Variants in COQ2 observed in about 807,000 individuals in gnomAD.
The protein encoded by COQ2 is 4-hydroxybenzoate polyprenyltransferase, mitochondrial.
COQ2 carries 25 observed loss-of-function variants against 35.7 expected under a neutral mutation model. The ratio of observed to expected loss-of-function variants is 0.70; its 90% CI spans 0.51 to 0.98. The LOEUF (loss-of-function observed/expected upper bound fraction) is 0.98, where lower values mean the gene tolerates loss of function less well. Ranked by LOEUF, COQ2 falls within the 50% of genes least tolerant of loss-of-function variation. COQ2 has a pLI of 0.00. For missense variants in COQ2, 488 were observed against 473.5 expected, an observed-to-expected ratio of 1.03 and a Z score of -0.28; for synonymous variants, 206 against 186.2, an observed-to-expected ratio of 1.11 and a Z score of -0.86.
chr4:83,272,228 G>GA, intron 3 of COQ2, 56 bp from the exon 4 acceptor site: 1 of 1,014,644 alleles, frequency 9.9e-7, no homozygotes, highest in South Asian at 1.6e-5. Flanking sequence ...TAGAAACCAC[G>GA]AAATACTTTA....
At chr4:83,267,332 G>A (rs1734942479) in intron 6 of COQ2, 5 of 418,960 alleles carry the variant, frequency 1.2e-5, no homozygotes, top group East Asian at 5.3e-5. Context: ...AGCTGTGATT[G>A]CACCACTGCA....
chr4:83,279,653 G>T (rs115243325), intron 1 of COQ2, among the ~76,000 whole-genome samples: 2,697 of 152,092 alleles, frequency 0.018, 92 homozygotes, highest in African/African-American at 0.062. Context: ...CTCAAAGACT[G>T]TCAGGAAGAA....
At chr4:83,281,603 G>A (rs1157147380) in intron 1 of COQ2, 2 of 152,198 alleles carry the variant, frequency 1.3e-5, no homozygotes, top group Admixed American at 6.5e-5. Flanking sequence ...GAAGAGAACA[G>A]CTACCTCACA....
chr4:83,265,454 C>T (rs1734895120), intron 6 of COQ2, among the ~76,000 whole-genome samples: 1 of 152,012 alleles, frequency 6.6e-6, no homozygotes, highest in African/African-American at 2.4e-5. Flanking sequence ...TGCCTGTGAT[C>T]CCAGCTACTA....
At chr4:83,283,177 G>T in intron 1 of COQ2, 1 of 614,414 alleles carries the variant, frequency 1.6e-6, no homozygotes, top group Non-Finnish European at 2.0e-6. Flanking sequence ...ATCCCAAATA[G>T]GTCGTGCATA....
chr4:83,279,351 T>A (rs1735259028), intron 1 of COQ2, among the ~76,000 whole-genome samples: 2 of 151,974 alleles, frequency 1.3e-5, no homozygotes, highest in African/African-American at 2.4e-5. Context: ...AAAATTCACA[T>A]AAAAAGAAAT....
chr4:83,271,465 G>C (rs1026267021), intron 4 of COQ2, among the ~76,000 whole-genome samples: 2 of 151,868 alleles, frequency 1.3e-5, no homozygotes, highest in African/African-American at 4.8e-5. Context: ...AATTCTTCAG[G>C]GCATCTAGAT....
At chr4:83,270,096 ACT>A (rs1194489112) in intron 4 of COQ2, 103 bp from the exon 5 acceptor site, 1 of 1,238,716 alleles carries the variant, frequency 8.1e-7, no homozygotes, top group East Asian at 2.6e-5. Flanking sequence ...TGGGTATCAG[ACT>A]CTGTGTGTGC....
At chr4:83,278,610 G>A (rs893914087) in intron 2 of COQ2, among the ~76,000 whole-genome samples, 4 of 152,244 alleles carry the variant, frequency 2.6e-5, no homozygotes. Flanking sequence ...CTTAAAGGAA[G>A]GGATGACAGA....
intron 3 of COQ2, 57 bp from the exon 4 acceptor site, chr4:83,272,229 A>G: frequency 4.0e-6 from 4 of 999,008 alleles, no homozygotes; most frequent in Non-Finnish European, 6.0e-6. Flanking sequence ...AGAAACCACG[A>G]AATACTTTAA....
At chr4:83,280,166 T>C (rs1289827214) in intron 1 of COQ2, among the ~76,000 whole-genome samples, 4 of 152,200 alleles carry the variant, frequency 2.6e-5, no homozygotes, top group Admixed American at 2.0e-4. Context: ...ACAAATGGGG[T>C]TAGTTCTTAG....
At chr4:83,279,879 G>C (rs1048251363) in intron 1 of COQ2, among the ~76,000 whole-genome samples, 20 of 32,794 alleles carry the variant, frequency 6.1e-4, no homozygotes, top group Non-Finnish European at 1.3e-3. Context: ...TTTTTTTTTT[G>C]AGACAGCATC....
intron 6 of COQ2, 90 bp from the exon 7 acceptor site, chr4:83,264,453 C>T (rs1289585436): frequency 6.2e-6 from 9 of 1,452,540 alleles, no homozygotes; most frequent in African/African-American, 1.5e-5. Flanking sequence ...GAGAAAACAG[C>T]AAATACAAAA....
chr4:83,270,145 T>G (rs955658894), intron 4 of COQ2, among the ~76,000 whole-genome samples, 152 bp from the exon 5 acceptor site: 5 of 151,446 alleles, frequency 3.3e-5, no homozygotes, highest in African/African-American at 7.3e-5. Flanking sequence ...CCCTTTCAAC[T>G]CTCGGTGGTA....
intron 6 of COQ2, chr4:83,266,971 C>A: frequency 3.2e-6 from 1 of 313,152 alleles, no homozygotes; most frequent in Non-Finnish European, 6.2e-6. Flanking sequence ...TAATTCAACT[C>A]AAACCACAAG....
At chr4:83,277,014 AT>A (rs1735200367) in intron 2 of COQ2, among the ~76,000 whole-genome samples, 1 of 150,044 alleles carries the variant, frequency 6.7e-6, no homozygotes, top group Non-Finnish European at 1.5e-5. Context: ...ACAGAGTGGA[AT>A]AATAGACACT....
intron 6 of COQ2, among the ~76,000 whole-genome samples, chr4:83,265,836 TG>T (rs1452820993): frequency 1.3e-5 from 2 of 151,916 alleles, no homozygotes; most frequent in Non-Finnish European, 2.9e-5. Flanking sequence ...AGCTAATTTT[TG>T]TATTATTAGT....
In COQ2 at chr4:83,269,946, C is replaced by A. The variant is rs553681443; in HGVS notation, c.676G>T (p.Gly226Cys). ...GALLGWSAIK[G>C]SCDPSVCLPL... ...AGGCAAACAGATGGATCACAGGAAC[C>A]CTTGATAGCAGACCATCCAAGTAAC... The change falls in exon 5 of 7, where the codon GGT becomes TGT. Residue 226 changes from glycine to cysteine, a missense_variant. Gly to Cys is a radical substitution (Grantham distance 159). Transcript: ENST00000647002. 28 of 1,613,540 alleles carry A rather than the reference C, an allele frequency of 1.7e-5. No homozygotes were observed. In the African/African-American group the frequency reaches 3.2e-4, roughly 18 times the overall value.
intron 1 of COQ2, chr4:83,284,121 T>C (rs1018197352): frequency 4.1e-6 from 4 of 985,300 alleles, no homozygotes; most frequent in Admixed American, 6.1e-5. Flanking sequence ...TTCTAATAAA[T>C]GAAGGAGGGC....
Sources: allele counts gnomAD v4.1 joint callset (sites outside exome capture counted in the v4.1 genomes callset), GRCh38; gene constraint gnomAD v4.1.1; transcripts MANE v1.5; gene names NCBI Gene and HGNC (gene_info 2026-07-23, HGNC 2026-07-21).